Variants in NAV3 observed in about 807,000 individuals in gnomAD.
NAV3 encodes pore membrane and/or filament interacting like protein 1.
NAV3 carries 87 observed loss-of-function variants against 244.7 expected under a neutral mutation model. That is an observed-to-expected ratio of 0.36 (90% CI 0.30 to 0.42). NAV3 has a LOEUF of 0.42. Ranked by LOEUF, NAV3 falls within the 20% of genes least tolerant of loss-of-function variation. The probability of loss-of-function intolerance (pLI) is 1.00; values close to 1 mark genes in which losing one functional copy is unlikely to be tolerated. For missense variants in NAV3, 2,663 were observed against 2,893.3 expected (o/e 0.92, Z 1.83); for synonymous variants, 1,126 against 1,042.2 (o/e 1.08, Z -1.55).
intron 9 of NAV3, among the ~76,000 whole-genome samples, chr12:78,023,091 T>G (rs898915918): frequency 4.6e-5 from 7 of 152,176 alleles, no homozygotes; most frequent in African/African-American, 1.7e-4. Context: ...TTTTATAAAA[T>G]TAGCATGGCA....
intron 2 of NAV3, among the ~76,000 whole-genome samples, chr12:77,782,459 T>A (rs2135919278): frequency 6.6e-6 from 1 of 152,236 alleles, no homozygotes. Context: ...AAGCTTATGA[T>A]TCAAATAAAA....
chr12:77,981,836 T>C (rs1165297647), intron 5 of NAV3, among the ~76,000 whole-genome samples: 1 of 152,116 alleles, frequency 6.6e-6, no homozygotes, highest in East Asian at 1.9e-4. Context: ...AAATGTGATA[T>C]CATAATTAGG....
At chr12:77,829,106 T>C (rs1258063720), upstream of NAV3, among the ~76,000 whole-genome samples, 4 of 152,192 alleles carry the variant, frequency 2.6e-5, no homozygotes, top group Non-Finnish European at 4.4e-5. Context: ...AAAACAAAAA[T>C]GAATGCCTGC....
At chr12:77,848,069 A>G (rs1346920248) in intron 1 of NAV3, among the ~76,000 whole-genome samples, 2 of 152,198 alleles carry the variant, frequency 1.3e-5, no homozygotes, top group Admixed American at 6.6e-5. Context: ...ACTTTTATTT[A>G]CAGAACACCT....
chr12:77,577,080 C>T (rs1205561347), intron 2 of NAV3, among the ~76,000 whole-genome samples: 1 of 152,090 alleles, frequency 6.6e-6, no homozygotes, highest in Non-Finnish European at 1.5e-5. Context: ...TATAATGTTA[C>T]TATATAAATC....
chr12:78,079,796 T>A (rs558648439), intron 12 of NAV3, among the ~76,000 whole-genome samples: 1 of 152,288 alleles, frequency 6.6e-6, no homozygotes, highest in South Asian at 2.1e-4. Flanking sequence ...ACCCTCTAAG[T>A]GGAGTTTCTA....
chr12:78,019,198 T>C (rs1293554788), intron 8 of NAV3, among the ~76,000 whole-genome samples: 1 of 152,144 alleles, frequency 6.6e-6, no homozygotes, highest in Admixed American at 6.6e-5. Context: ...CAACATCACA[T>C]GAGTTAGTAA....
rs116295475 is a variant in NAV3, at chr12:78,148,770, T to C, written c.4708-72T>C. On this transcript the variant is annotated intron_variant, in intron 21 of 39. Transcript: ENST00000397909. Reference sequence around the variant, plus strand: ...AATGAGCTAAATACAGCATTTGCTTTCTTGGTTTGAATTCTGGGTTTTAAG... The same window carrying C: ...AATGAGCTAAATACAGCATTTGCTTCCTTGGTTTGAATTCTGGGTTTTAAG... 893 of 1,370,448 alleles carry C rather than the reference T, an allele frequency of 6.5e-4. 4 individuals are homozygous for C. In the African/African-American group the frequency reaches 0.011, roughly 17 times the overall value. 84.9% of individuals were successfully genotyped at this position (1,370,448 alleles called of 1,614,324 possible).
intron 1 of NAV3, among the ~76,000 whole-genome samples, chr12:77,930,505 A>T (rs1376414318): frequency 6.6e-6 from 1 of 151,972 alleles, no homozygotes; most frequent in Admixed American, 6.6e-5. Context: ...CTTATAATCC[A>T]ATTCTCACAC....
At chr12:78,204,791 G>A in intron 38 of NAV3, 144 bp from the exon 39 acceptor site, 1 of 676,716 alleles carries the variant, frequency 1.5e-6, no homozygotes, top group East Asian at 2.7e-5. Context: ...TTTTAAATCT[G>A]CAAAACTGTA....
At chr12:77,983,144 T>A (rs1593191790) in intron 5 of NAV3, among the ~76,000 whole-genome samples, 1 of 152,188 alleles carries the variant, frequency 6.6e-6, no homozygotes, top group East Asian at 1.9e-4. Context: ...ATTTGCTAAA[T>A]GTAAAGTAAA....
intron 3 of NAV3, among the ~76,000 whole-genome samples, chr12:77,963,890 CTTCTCCTTCT>C: frequency 9.1e-5 from 2 of 21,936 alleles, no homozygotes; most frequent in Admixed American, 9.4e-4. Context: ...CTTCTCCTTC[CTTCTCCTTCT>C]CCTTCCTTCT....
upstream of NAV3, among the ~76,000 whole-genome samples, chr12:77,828,537 T>A (rs1873254367): frequency 6.6e-6 from 1 of 152,248 alleles, no homozygotes; most frequent in South Asian, 2.1e-4. Flanking sequence ...CTACAAGGTA[T>A]CAGTGACCGT....
intron 2 of NAV3, among the ~76,000 whole-genome samples, chr12:77,689,672 A>G (rs1435912029): frequency 2.0e-5 from 3 of 151,918 alleles, no homozygotes; most frequent in Non-Finnish European, 4.4e-5. Flanking sequence ...AATTATAAGG[A>G]ACCTAAACTG....
At chr12:77,830,132 A>G (rs1037079585), upstream of NAV3, among the ~76,000 whole-genome samples, 1 of 152,194 alleles carries the variant, frequency 6.6e-6, no homozygotes, top group African/African-American at 2.4e-5. Flanking sequence ...TTTAACCAGA[A>G]ATAGAACATG....
At chr12:77,588,676 G>A (rs1220191762) in intron 2 of NAV3, among the ~76,000 whole-genome samples, 5 of 152,124 alleles carry the variant, frequency 3.3e-5, no homozygotes, top group Admixed American at 2.0e-4. Flanking sequence ...TGTGTTGAAT[G>A]AATGAGTGAT....
At chr12:77,813,220 C>T (rs1872377686) in intron 2 of NAV3, among the ~76,000 whole-genome samples, 1 of 152,110 alleles carries the variant, frequency 6.6e-6, no homozygotes, top group Admixed American at 6.6e-5. Context: ...GTGTAGGGGA[C>T]ACAATGTGAT....
intron 2 of NAV3, among the ~76,000 whole-genome samples, chr12:77,809,971 T>G (rs1399959771): frequency 1.3e-5 from 2 of 152,240 alleles, no homozygotes; most frequent in Non-Finnish European, 2.9e-5. Flanking sequence ...TTTATTGGTT[T>G]GTCACCTTTG....
At position 78,128,777 on chromosome 12, in the gene NAV3, G is replaced by A; in HGVS notation, c.4352G>A (p.Gly1451Glu). The change falls in exon 18 of 40, where the codon GGG becomes GAG. Residue 1451 changes from glycine (G) to glutamate (E), a missense_variant. Coordinates refer to ENST00000397909, the MANE Select transcript of NAV3 (RefSeq NM_001024383.2). ...TGGTTGCGTTCTCATTCTACTGGAG[G>A]GCTTCAGGACACTGGCAACCAGTCA... ...KEWLRSHSTG[G>E]LQDTGNQSPL... is the part of the protein sequence containing the mutation. The A allele has an allele frequency of 6.2e-7, 1 of 1,613,890 alleles. No individual in the cohort carries two copies. The highest frequency in any genetic ancestry group is 1.1e-5 in the South Asian group (1 of 91,066).
Sources: gnomAD v4.1 joint callset for allele counts (sites outside exome capture counted in the v4.1 genomes callset) on GRCh38, gnomAD v4.1.1 for gene constraint, MANE v1.5 for transcripts, NCBI Gene and HGNC (gene_info 2026-07-23, HGNC 2026-07-21) for gene names.